The following OXCT1 variants were observed in gnomAD, a reference collection of about 807,000 sequenced individuals.
The protein encoded by OXCT1 is 3-oxoacid CoA-transferase 1.
Under a neutral mutation model 69.6 loss-of-function variants are expected in OXCT1, and 27 were observed. The observed-to-expected ratio is 0.39, with a 90% CI of 0.29 to 0.54. The LOEUF (loss-of-function observed/expected upper bound fraction) is 0.54. Ranked by LOEUF, OXCT1 falls within the 20% of genes least tolerant of loss-of-function variation. OXCT1 has a pLI of 0.72. For synonymous variants in OXCT1, 202 were observed against 217.8 expected (o/e 0.93, Z 0.64); for missense variants, 437 against 650.2 (o/e 0.67, Z 3.57).
intron 15 of OXCT1, among the ~76,000 whole-genome samples, chr5:41,742,038 T>C (rs950015092): frequency 2.0e-5 from 3 of 152,124 alleles, no homozygotes; most frequent in African/African-American, 4.8e-5. Context: ...AAAAAGAGCA[T>C]CTGGATTAAG....
intron 13 of OXCT1, among the ~76,000 whole-genome samples, chr5:41,782,061 A>C (rs1190354718): frequency 6.8e-6 from 1 of 148,054 alleles, no homozygotes; most frequent in African/African-American, 2.5e-5. Flanking sequence ...ATTAATTTAC[A>C]CTCCCACCAA....
At chr5:41,827,649 C>T (rs1030118421) in intron 7 of OXCT1, among the ~76,000 whole-genome samples, 1 of 152,162 alleles carries the variant, frequency 6.6e-6, no homozygotes, top group East Asian at 1.9e-4. Context: ...TTGGCTGTTT[C>T]AATCCTTTTC....
intron 7 of OXCT1, among the ~76,000 whole-genome samples, chr5:41,838,891 G>C (rs1490964059): frequency 6.6e-6 from 1 of 152,184 alleles, no homozygotes; most frequent in African/African-American, 2.4e-5. Flanking sequence ...AATTAGGCCT[G>C]AGCCACTGTG....
chr5:41,862,962 T>C (rs778244730), intron 1 of OXCT1, among the ~76,000 whole-genome samples: 1 of 152,180 alleles, frequency 6.6e-6, no homozygotes, highest in Non-Finnish European at 1.5e-5. Flanking sequence ...TGTTTTTATA[T>C]GGATAGTAGA....
intron 1 of OXCT1, among the ~76,000 whole-genome samples, chr5:41,868,229 T>C (rs1750091967): frequency 6.6e-6 from 1 of 152,242 alleles, no homozygotes; most frequent in African/African-American, 2.4e-5. Context: ...AGGTTTCTGT[T>C]TGCCTGGAGG....
At chr5:41,802,413 T>C (rs1157300469) in intron 10 of OXCT1, among the ~76,000 whole-genome samples, 1 of 152,096 alleles carries the variant, frequency 6.6e-6, no homozygotes, top group East Asian at 1.9e-4. Context: ...TTTATTATAC[T>C]AATGAAAAAA....
rs1746748608 is a variant in OXCT1 at position 41,807,586 on chromosome 5, CATA to C, written c.733-151_733-149del. The C allele has an allele frequency of 1.1e-5, 7 of 633,824 alleles. No individual in the cohort carries two copies. In the East Asian group the frequency reaches 1.9e-4, roughly 18 times the overall value. The allele number at this position is 633,824 out of a possible 1,614,324, so 39.3% of individuals were successfully genotyped here. On this transcript the variant is annotated intron_variant, in intron 7 of 16. Coordinates refer to ENST00000196371, the MANE Select transcript of OXCT1 (RefSeq NM_000436.4). The stretch of plus-strand genomic sequence containing the variant: ...ATATATCTATGTATGTATATGTATA[CATA>C]TAGGTAATGTCTATCACACCTCCTG...
intron 1 of OXCT1, among the ~76,000 whole-genome samples, chr5:41,863,364 A>T (rs895335241): frequency 6.6e-6 from 1 of 152,172 alleles, no homozygotes. Flanking sequence ...AAAATATATT[A>T]TTAACCATAG....
intron 7 of OXCT1, among the ~76,000 whole-genome samples, chr5:41,831,910 G>T (rs1748115800): frequency 6.6e-6 from 1 of 152,170 alleles, no homozygotes; most frequent in Admixed American, 6.5e-5. Flanking sequence ...CTACATGTCT[G>T]CTTGGCAGGA....
intron 7 of OXCT1, among the ~76,000 whole-genome samples, chr5:41,809,924 G>A (rs1042193747): frequency 6.6e-6 from 1 of 152,038 alleles, no homozygotes; most frequent in African/African-American, 2.4e-5. Context: ...TGCATGTGCA[G>A]CATTTGTCAA....
At chr5:41,752,392 G>A (rs1257101888) in intron 14 of OXCT1, among the ~76,000 whole-genome samples, 1 of 152,020 alleles carries the variant, frequency 6.6e-6, no homozygotes, top group Non-Finnish European at 1.5e-5. Flanking sequence ...CTTATATATT[G>A]CATTTCTTTC....
intron 3 of OXCT1, among the ~76,000 whole-genome samples, chr5:41,857,664 T>A (rs566443459): frequency 6.6e-6 from 1 of 152,286 alleles, no homozygotes; most frequent in South Asian, 2.1e-4. Context: ...TAGTAACAGC[T>A]CCCTGCCTTC....
At position 41,842,799 on chromosome 5, in the gene OXCT1, G is replaced by C; in HGVS notation, c.565-18C>G. 6.8e-7 allele frequency: 1 copy of C among 1,470,260 alleles called. No individual in the cohort carries two copies. Among genetic ancestry groups the C allele is most frequent in the Non-Finnish European group, 9.5e-7 (1 of 1,048,864 alleles). The allele number at this position is 1,470,260 out of a possible 1,614,324, so 91.1% of individuals were successfully genotyped here. A position where few individuals can be genotyped will look rare whatever the true frequency, so the allele number is the denominator to read the frequency against. On this transcript the variant is annotated intron_variant, in intron 5 of 16. Transcript: ENST00000196371. ...TCCCTCACCTGCAGAAGAGGGAGAA[G>C]GCATCATCAGGTATTTGCATAGGTC...
At chr5:41,817,071 T>C (rs538331112) in intron 7 of OXCT1, among the ~76,000 whole-genome samples, 1 of 152,298 alleles carries the variant, frequency 6.6e-6, no homozygotes, top group South Asian at 2.1e-4. Flanking sequence ...ATAAACTCAT[T>C]CCCAAAACTC....
At chr5:41,856,876 T>G (rs893294019) in intron 3 of OXCT1, among the ~76,000 whole-genome samples, 3 of 152,208 alleles carry the variant, frequency 2.0e-5, no homozygotes, top group Non-Finnish European at 4.4e-5. Flanking sequence ...GTTCAAGGGC[T>G]GTCTTCCCAT....
intron 5 of OXCT1, among the ~76,000 whole-genome samples, chr5:41,846,322 C>A (rs1748904772): frequency 7.2e-6 from 1 of 138,590 alleles, no homozygotes; most frequent in Non-Finnish European, 1.5e-5. Context: ...TGATGTTCCC[C>A]TTCCTGTGTC....
chr5:41,759,185 G>A (rs1056397112), intron 14 of OXCT1, among the ~76,000 whole-genome samples: 10 of 151,436 alleles, frequency 6.6e-5, no homozygotes, highest in African/African-American at 2.4e-4. Context: ...GCATGGTGCA[G>A]TATGAACACA....
At chr5:41,779,612 T>C (rs1561069586) in intron 13 of OXCT1, among the ~76,000 whole-genome samples, 2 of 151,974 alleles carry the variant, frequency 1.3e-5, no homozygotes, top group South Asian at 4.2e-4. Flanking sequence ...CAAACCACAC[T>C]GTCTCCAAGA....
intron 5 of OXCT1, 54 bp from the exon 6 acceptor site, chr5:41,842,835 T>C (rs994318922): frequency 1.6e-5 from 18 of 1,142,148 alleles, no homozygotes; most frequent in East Asian, 1.2e-4. Flanking sequence ...TTGATTGTGA[T>C]AGAGGCACTC....
Sources: gnomAD v4.1 joint callset for allele counts (sites outside exome capture counted in the v4.1 genomes callset) on GRCh38, gnomAD v4.1.1 for gene constraint, MANE v1.5 for transcripts, NCBI Gene and HGNC (gene_info 2026-07-23, HGNC 2026-07-21) for gene names.